The following RBMS2 variants were observed in gnomAD, a reference collection of about 807,000 sequenced individuals.
RBMS2 encodes RNA binding motif single stranded interacting protein 2.
Under a neutral mutation model 58.4 loss-of-function variants are expected in RBMS2, and 38 were observed. The observed-to-expected ratio is 0.65, with a 90% confidence interval of 0.50 to 0.85. The LOEUF is 0.85. Ranked by LOEUF, RBMS2 falls within the 40% of genes least tolerant of loss-of-function variation. The pLI is 0.00. For synonymous variants in RBMS2, 151 were observed against 180.7 expected (o/e 0.84, Z 1.32); for missense variants, 367 against 503.7 (o/e 0.73, Z 2.60).
At chr12:56,568,644 C>A (rs925922822) in intron 2 of RBMS2, among the ~76,000 whole-genome samples, 1 of 150,758 alleles carries the variant, frequency 6.6e-6, no homozygotes, top group Non-Finnish European at 1.5e-5. Flanking sequence ...TCAAGCAATT[C>A]TCCTACCTCA....
At chr12:56,569,100 T>C in intron 3 of RBMS2, 67 bp downstream of exon 3, 1 of 1,404,994 alleles carries the variant, frequency 7.1e-7, no homozygotes. Context: ...GACACTGCCC[T>C]TTACTGCTGA....
chr12:56,596,179 A>T lies in RBMS2; in HGVS notation c.*7046A>T, dbSNP rs1885807833. 1 of 152,744 alleles carries T rather than the reference A, an allele frequency of 6.5e-6. No individual in the cohort carries two copies. Among genetic ancestry groups the T allele is most frequent in the African/African-American group, 2.4e-5 (1 of 41,478 alleles). 9.5% of individuals were successfully genotyped at this position (152,744 alleles called of 1,614,324 possible). ...TATATAAAAAGTCCCTTTTGCTGTA[A>T]AAGGAACACAGAAACTTGTTGGTGT... On this transcript the variant is annotated 3_prime_UTR_variant, in exon 14 of 14. Coordinates refer to ENST00000262031, the MANE Select transcript of RBMS2 (RefSeq NM_002898.4).
chr12:56,586,513 C>T (rs1187197756), intron 9 of RBMS2, among the ~76,000 whole-genome samples: 1 of 151,814 alleles, frequency 6.6e-6, no homozygotes, highest in Admixed American at 6.6e-5. Context: ...TTCATGTACT[C>T]ATTGGCTATT....
At chr12:56,562,051 G>A (rs10876910) in intron 1 of RBMS2, among the ~76,000 whole-genome samples, 22,960 of 150,336 alleles carry the variant, frequency 0.15, 1,797 homozygotes, top group Middle Eastern at 0.19. Flanking sequence ...CTCATGATCC[G>A]CCTGCCTCGG....
intron 1 of RBMS2, among the ~76,000 whole-genome samples, chr12:56,548,095 C>A (rs911803901): frequency 2.0e-5 from 3 of 152,074 alleles, no homozygotes; most frequent in African/African-American, 7.2e-5. Flanking sequence ...ACTCATACAC[C>A]ATTCATCTAT....
rs1179077300 is a variant in RBMS2, at chr12:56,589,952, G to GA, written c.*825dup. ...TCCCCCACCCTGCCACACCCTGGGA[G>GA]AAAAAACTAGACTTTGGCTTCAGAA... On this transcript the variant is annotated 3_prime_UTR_variant, in exon 14 of 14. Coordinates refer to ENST00000262031, the MANE Select transcript of RBMS2 (RefSeq NM_002898.4). 1 of 152,302 alleles carries GA rather than the reference G, an allele frequency of 6.6e-6. No homozygotes were observed. Among genetic ancestry groups the GA allele is most frequent in the Non-Finnish European group, 1.5e-5 (1 of 68,134 alleles). 9.4% of individuals were successfully genotyped at this position (152,302 alleles called of 1,614,324 possible). A position where few individuals can be genotyped will look rare whatever the true frequency, so the allele number is the denominator to read the frequency against.
chr12:56,530,608 C>T (rs1162745325), intron 1 of RBMS2, among the ~76,000 whole-genome samples: 4 of 152,090 alleles, frequency 2.6e-5, no homozygotes, highest in African/African-American at 7.2e-5. Flanking sequence ...GATTCTCCCA[C>T]CTCAGCCTCC....
intron 1 of RBMS2, among the ~76,000 whole-genome samples, chr12:56,541,034 G>T (rs1018243131): frequency 7.3e-5 from 11 of 151,530 alleles, no homozygotes; most frequent in Non-Finnish European, 1.3e-4. Context: ...CCAGGAATTT[G>T]GGGCTACAGC....
At chr12:56,580,263 C>T (rs1337070628) in intron 5 of RBMS2, 12 of 374,734 alleles carry the variant, frequency 3.2e-5, no homozygotes, top group Admixed American at 1.3e-4. Flanking sequence ...CACAGATTCT[C>T]GCCCTGTTGC....
Position 56,582,076 on chromosome 12 carries a change from A to G in RBMS2, c.797A>G (p.Tyr266Cys). The G allele has an allele frequency of 6.2e-7, 1 of 1,611,340 alleles. No individual in the cohort carries two copies. Among genetic ancestry groups the G allele is most frequent in the South Asian group, 1.1e-5 (1 of 90,872 alleles). Residue 266 changes from tyrosine (Y) to cysteine (C), a missense_variant, in exon 9 of 14, where the codon TAT becomes TGT. By Grantham distance (194) the Tyr-to-Cys change is radical. Coordinates refer to ENST00000262031, the MANE Select transcript of RBMS2 (RefSeq NM_002898.4). ...TCCCACAGGTTTTACCCAGCCCCCT[A>G]TAACATCACCCCCAACAGGATGCTT... ...ALQNGFYPAP[Y>C]NITPNRMLAQ...
intron 1 of RBMS2, among the ~76,000 whole-genome samples, chr12:56,525,619 G>A (rs531605267): frequency 1.3e-5 from 2 of 151,932 alleles, no homozygotes; most frequent in African/African-American, 4.8e-5. Context: ...CAACCCCTGG[G>A]CTTAAGCGAG....
At chr12:56,568,055 C>G (rs1288994566) in intron 2 of RBMS2, among the ~76,000 whole-genome samples, 1 of 152,174 alleles carries the variant, frequency 6.6e-6, no homozygotes, top group East Asian at 1.9e-4. Flanking sequence ...AATCCTATCT[C>G]CATTTTACAG....
chr12:56,520,663 G>C (rs1035716228), upstream of RBMS2, among the ~76,000 whole-genome samples: 38 of 152,096 alleles, frequency 2.5e-4, no homozygotes, highest in African/African-American at 8.7e-4. Flanking sequence ...TTAGGTTCTT[G>C]ACTCTGAAAT....
chr12:56,527,646 A>G lies in RBMS2; in HGVS notation c.66+5557A>G, dbSNP rs182009496. Among the ~76,000 whole-genome samples, 438 of 150,934 alleles carry G rather than the reference A, an allele frequency of 2.9e-3. 2 individuals are homozygous for G. The highest frequency in any genetic ancestry group is 0.01 in the African/African-American group (424 of 41,148). On this transcript the variant is annotated intron_variant, in intron 1 of 13. Coordinates refer to ENST00000262031, the MANE Select transcript of RBMS2 (RefSeq NM_002898.4). ...ACAAAAACAAACAAAAACAAAAACA[A>G]AAAAAAAACTTTAATGGCTATATAT...
In RBMS2 at chr12:56,581,184, G is replaced by T; in HGVS notation, c.543G>T (p.Arg181Ser). 1 of 1,593,152 alleles carries T rather than the reference G, an allele frequency of 6.3e-7. No individual in the cohort carries two copies. The highest frequency in any genetic ancestry group is 8.6e-7 in the Non-Finnish European group (1 of 1,161,454). Residue 181 changes from arginine to serine, a missense_variant and splice_region_variant, in exon 6 of 14, where the codon AGG (arginine) becomes AGT (serine). By Grantham distance (110) the Arg-to-Ser change is moderately radical. Coordinates refer to ENST00000262031, the MANE Select transcript of RBMS2 (RefSeq NM_002898.4). ...SGTSRGVGFA[R>S]MESTEKCEAI... The stretch of plus-strand genomic sequence containing the variant: ...GCCTAACCCCTCTTATGCTCCTTAG[G>T]ATGGAGTCCACAGAGAAGTGTGAAG...
intron 1 of RBMS2, among the ~76,000 whole-genome samples, chr12:56,558,536 T>C (rs901406530): frequency 6.9e-6 from 1 of 145,100 alleles, no homozygotes; most frequent in African/African-American, 2.5e-5. Context: ...GCTTTCTTTT[T>C]TTCCCTCCCT....
At chr12:56,542,886 CT>C (rs1876402752) in intron 1 of RBMS2, among the ~76,000 whole-genome samples, 1 of 151,166 alleles carries the variant, frequency 6.6e-6, no homozygotes, top group Non-Finnish European at 1.5e-5. Context: ...TATTTCATTT[CT>C]TTTTATTATT....
chr12:56,567,952 G>A (rs1283161898), intron 2 of RBMS2, among the ~76,000 whole-genome samples: 2 of 152,078 alleles, frequency 1.3e-5, no homozygotes, highest in Admixed American at 6.6e-5. Context: ...TAAAGTTGAG[G>A]TTCCTTGAAT....
chr12:56,552,355 A>G (rs1878420229), intron 1 of RBMS2, among the ~76,000 whole-genome samples: 2 of 152,212 alleles, frequency 1.3e-5, no homozygotes, highest in African/African-American at 4.8e-5. Flanking sequence ...ACTTTGATTG[A>G]TTATTCAAAT....
Sources: allele counts gnomAD v4.1 joint callset (sites outside exome capture counted in the v4.1 genomes callset), GRCh38; gene constraint gnomAD v4.1.1; transcripts MANE v1.5; gene names NCBI Gene and HGNC (gene_info 2026-07-23, HGNC 2026-07-21).